KIAA1328: variants seen among roughly 807,000 people sequenced by gnomAD.
KIAA1328 encodes the protein KIAA1328.
A neutral mutation model predicts 68.1 loss-of-function variants in KIAA1328; 52 were observed. The observed-to-expected ratio is 0.76, with a 90% CI of 0.61 to 0.96. The LOEUF is 0.96. KIAA1328 is among the 40% of genes least tolerant of loss of function. The pLI, the probability that KIAA1328 is intolerant of heterozygous loss-of-function variation, is 0.00. For synonymous variants in KIAA1328, 232 were observed against 239.4 expected (o/e 0.97, Z 0.28); for missense variants, 641 against 677.6 (o/e 0.95, Z 0.60).
At chr18:37,212,108 A>C (rs2060328647) in intron 9 of KIAA1328, among the ~76,000 whole-genome samples, 1 of 152,240 alleles carries the variant, frequency 6.6e-6, no homozygotes, top group Non-Finnish European at 1.5e-5. Context: ...TATGTGTCAA[A>C]GGAAAGTTCA....
intron 7 of KIAA1328, among the ~76,000 whole-genome samples, chr18:37,117,618 T>C (rs984816458): frequency 2.0e-5 from 3 of 152,106 alleles, no homozygotes; most frequent in Non-Finnish European, 2.9e-5. Context: ...ATTGTGCACA[T>C]GTACCCTAGA....
chr18:36,943,571 T>C (rs1466188355), intron 5 of KIAA1328, among the ~76,000 whole-genome samples: 1 of 152,228 alleles, frequency 6.6e-6, no homozygotes. Context: ...TGGGGAGTTA[T>C]TTAGCATTGT....
At chr18:37,155,805 C>A (rs1373917591) in intron 7 of KIAA1328, among the ~76,000 whole-genome samples, 1 of 152,168 alleles carries the variant, frequency 6.6e-6, no homozygotes, top group Non-Finnish European at 1.5e-5. Context: ...TACCACACAC[C>A]CAAAGTTTAA....
At chr18:36,982,969 A>C (rs1388929290) in intron 6 of KIAA1328, among the ~76,000 whole-genome samples, 1 of 152,026 alleles carries the variant, frequency 6.6e-6, no homozygotes. Flanking sequence ...TAAAGCAACC[A>C]CTAAAATAAC....
chr18:37,131,636 C>A (rs2058524159), intron 7 of KIAA1328, among the ~76,000 whole-genome samples: 1 of 152,088 alleles, frequency 6.6e-6, no homozygotes, highest in African/African-American at 2.4e-5. Flanking sequence ...CACAACACAG[C>A]TCAACAGATA....
chr18:37,003,555 A>T (rs757010762), intron 6 of KIAA1328, among the ~76,000 whole-genome samples: 2 of 152,068 alleles, frequency 1.3e-5, no homozygotes, highest in Non-Finnish European at 2.9e-5. Context: ...TACTCTGCTA[A>T]TGGTTCCTTT....
downstream of KIAA1328, among the ~76,000 whole-genome samples, chr18:37,225,865 C>G (rs915427508): frequency 6.6e-6 from 1 of 152,110 alleles, no homozygotes; most frequent in South Asian, 2.1e-4. Context: ...CGCACCTGCC[C>G]CTCAGAGGCA....
chr18:36,922,513 C>T (rs967445881), intron 5 of KIAA1328, among the ~76,000 whole-genome samples: 6 of 152,056 alleles, frequency 3.9e-5, no homozygotes, highest in African/African-American at 1.4e-4. Flanking sequence ...CTTTCTGGTT[C>T]AGTTATTGAA....
chr18:37,056,942 C>T (rs879359465), intron 6 of KIAA1328, among the ~76,000 whole-genome samples: 9 of 152,174 alleles, frequency 5.9e-5, no homozygotes, highest in Non-Finnish European at 7.4e-5. Flanking sequence ...CACGCCCAGC[C>T]TATATAAGAC....
At chr18:37,121,530 T>A (rs1256664076) in intron 7 of KIAA1328, among the ~76,000 whole-genome samples, 1 of 152,042 alleles carries the variant, frequency 6.6e-6, no homozygotes, top group Non-Finnish European at 1.5e-5. Context: ...ATTTAATAAT[T>A]CTCTGGGAAT....
intron 4 of KIAA1328, among the ~76,000 whole-genome samples, chr18:36,855,458 G>C (rs555871340): frequency 7.2e-5 from 11 of 152,160 alleles, no homozygotes; most frequent in Admixed American, 5.9e-4. Context: ...CTCTCTTGTA[G>C]AAATATCTGT....
At chr18:37,132,625 G>C (rs898304019) in intron 7 of KIAA1328, among the ~76,000 whole-genome samples, 2 of 152,190 alleles carry the variant, frequency 1.3e-5, no homozygotes, top group African/African-American at 4.8e-5. Context: ...AAATTACATA[G>C]TCTGATTTAG....
chr18:37,084,151 C>T (rs368611470), intron 7 of KIAA1328: 4 of 1,511,274 alleles, frequency 2.6e-6, no homozygotes, highest in Non-Finnish European at 3.5e-6. Context: ...CTGTTTAAGT[C>T]GAGAGAACTG....
chr18:36,841,304 C>T (rs2046850690), intron 3 of KIAA1328, among the ~76,000 whole-genome samples: 1 of 151,758 alleles, frequency 6.6e-6, no homozygotes, highest in African/African-American at 2.4e-5. Context: ...AAGTAATATG[C>T]ACATGTAGTG....
At chr18:37,057,427 A>ATTT (rs529618213) in intron 6 of KIAA1328, among the ~76,000 whole-genome samples, 2 of 138,008 alleles carry the variant, frequency 1.4e-5, no homozygotes, top group Admixed American at 7.2e-5. Flanking sequence ...AATTGCATGA[A>ATTT]TTTTTTTTTT....
chr18:37,203,976 A>C (rs369973776), intron 9 of KIAA1328, among the ~76,000 whole-genome samples: 2 of 151,964 alleles, frequency 1.3e-5, no homozygotes, highest in African/African-American at 2.4e-5. Context: ...CACGCAGCTA[A>C]TTTTTTTGTA....
At chr18:37,196,424 G>T (rs1057178399) in intron 9 of KIAA1328, among the ~76,000 whole-genome samples, 2 of 152,010 alleles carry the variant, frequency 1.3e-5, no homozygotes, top group African/African-American at 2.4e-5. Flanking sequence ...TTAGCTGTGG[G>T]CTTGTCATAT....
chr18:37,166,197 A>G (rs1346370855), intron 8 of KIAA1328, among the ~76,000 whole-genome samples: 1 of 152,146 alleles, frequency 6.6e-6, no homozygotes, highest in East Asian at 1.9e-4. Flanking sequence ...AAAAACTGTC[A>G]GAAGCTACCT....
intron 5 of KIAA1328, among the ~76,000 whole-genome samples, chr18:36,935,769 C>T (rs1445528): frequency 0.93 from 141,431 of 151,444 alleles, 66,771 homozygotes; most frequent in East Asian, 1. Context: ...TGTGTGTGTG[C>T]GCATATAAGG....
Sources: gnomAD v4.1 joint callset for allele counts (sites outside exome capture counted in the v4.1 genomes callset) on GRCh38, gnomAD v4.1.1 for gene constraint, MANE v1.5 for transcripts, NCBI Gene and HGNC (gene_info 2026-07-23, HGNC 2026-07-21) for gene names.